Variants in HTR2A observed in about 807,000 individuals in gnomAD.
HTR2A encodes the protein 5-hydroxytryptamine receptor 2A, also known as 5-HT2 receptor.
A neutral mutation model predicts 31.0 loss-of-function variants in HTR2A; 14 were observed. That is an observed-to-expected ratio of 0.45 (90% CI 0.30 to 0.71). The LOEUF (loss-of-function observed/expected upper bound fraction) is 0.71. HTR2A is among the 30% of genes least tolerant of loss of function. The pLI is 0.09. For synonymous variants in HTR2A, 209 were observed against 225.2 expected, an observed-to-expected ratio of 0.93 and a Z score of 0.64; for missense variants, 442 against 573.3, an observed-to-expected ratio of 0.77 and a Z score of 2.34.
chr13:46,876,452 C>T (rs1320193262), intron 3 of HTR2A, among the ~76,000 whole-genome samples: 1 of 132,736 alleles, frequency 7.5e-6, no homozygotes, highest in East Asian at 2.3e-4. Flanking sequence ...CTCTGTCGCA[C>T]AGGCTGGAGT....
At chr13:46,850,208 C>A (rs140735096) in intron 3 of HTR2A, among the ~76,000 whole-genome samples, 7 of 152,292 alleles carry the variant, frequency 4.6e-5, no homozygotes, top group Non-Finnish European at 8.8e-5. Flanking sequence ...TCTTTACATG[C>A]TAACAGTGCA....
chr13:46,869,395 C>A (rs977482903), intron 3 of HTR2A, among the ~76,000 whole-genome samples: 1 of 152,128 alleles, frequency 6.6e-6, no homozygotes, highest in East Asian at 1.9e-4. Context: ...CCACTTCTCA[C>A]ATACTATGAT....
chr13:46,855,125 A>G (rs1593431716), intron 3 of HTR2A, among the ~76,000 whole-genome samples: 1 of 152,190 alleles, frequency 6.6e-6, no homozygotes, highest in Admixed American at 6.5e-5. Context: ...GAAGGAACCA[A>G]TCCTGCCAAT....
chr13:46,868,130 A>C (rs2138223286), intron 3 of HTR2A, among the ~76,000 whole-genome samples: 1 of 152,338 alleles, frequency 6.6e-6, no homozygotes, highest in East Asian at 1.9e-4. Flanking sequence ...TTTTCTTTCC[A>C]TCTTTCTGAA....
chr13:46,855,520 G>A (rs911041946), intron 3 of HTR2A, among the ~76,000 whole-genome samples: 1 of 151,986 alleles, frequency 6.6e-6, no homozygotes, highest in Non-Finnish European at 1.5e-5. Flanking sequence ...TCAACTGGGG[G>A]GGTACACAGG....
rs572370504 is a variant in HTR2A at position 46,896,655 on chromosome 13, T to A, written c.-329+19A>T. 1 of 1,500,300 alleles carries A rather than the reference T, an allele frequency of 6.7e-7. No homozygotes were observed. Among genetic ancestry groups the A allele is most frequent in the East Asian group, 2.5e-5 (1 of 40,044 alleles). 92.9% of individuals were successfully genotyped at this position (1,500,300 alleles called of 1,614,324 possible). ...AAGAAAATTACACAGCAATAAAATA[T>A]AGCGGCATGAGAACTTACATTTGTC... On this transcript the variant is annotated intron_variant, in intron 1 of 3. Coordinates refer to ENST00000542664, the MANE Select transcript of HTR2A (RefSeq NM_000621.5).
chr13:46,857,375 G>A (rs959428788), intron 3 of HTR2A, among the ~76,000 whole-genome samples: 2 of 151,788 alleles, frequency 1.3e-5, no homozygotes, highest in African/African-American at 4.8e-5. Flanking sequence ...CAGATTCAGT[G>A]TCTAATGAGG....
chr13:46,838,651 C>T (rs1211217823), intron 3 of HTR2A, among the ~76,000 whole-genome samples: 5 of 152,056 alleles, frequency 3.3e-5, no homozygotes, highest in Middle Eastern at 3.4e-3. Flanking sequence ...AGGGTGACGC[C>T]GGGTCTTAAT....
chr13:46,888,018 G>A (rs1234416494), intron 3 of HTR2A, among the ~76,000 whole-genome samples: 6 of 151,254 alleles, frequency 4.0e-5, no homozygotes, highest in African/African-American at 7.3e-5. Flanking sequence ...CATGGCACAC[G>A]TTTACCCATG....
intron 3 of HTR2A, among the ~76,000 whole-genome samples, chr13:46,876,404 A>ATATATAT (rs1325081559): frequency 5.1e-4 from 36 of 71,282 alleles, no homozygotes; most frequent in Non-Finnish European, 7.6e-4. Flanking sequence ...ATATATATAT[A>ATATATAT]TTTTTTTTTT....
intron 3 of HTR2A, among the ~76,000 whole-genome samples, chr13:46,874,954 G>A (rs1032488670): frequency 5.3e-5 from 8 of 152,140 alleles, no homozygotes; most frequent in African/African-American, 1.9e-4. Flanking sequence ...ATTCCAGACA[G>A]GATTGAACAT....
chr13:46,895,971 CA>C lies in HTR2A; in HGVS notation c.-66del. On this transcript the variant is annotated 5_prime_UTR_variant, in exon 2 of 4. An upstream start codon of the reference 5' UTR is lost. Coordinates refer to ENST00000542664, the MANE Select transcript of HTR2A (RefSeq NM_000621.5). The surrounding 1 kb of genome is among the most constrained non-coding windows in gnomAD (Gnocchi z 4.4). ...CTAACAGGTTATAGTTTCTGCTCAC[CA>C]TTCACCTTGATGTACCCACACTCTG... 1 of 1,535,798 alleles carries C rather than the reference CA, an allele frequency of 6.5e-7. No homozygotes were observed. Among genetic ancestry groups the C allele is most frequent in the Non-Finnish European group, 8.7e-7 (1 of 1,145,716 alleles).
intron 3 of HTR2A, among the ~76,000 whole-genome samples, chr13:46,880,605 G>A (rs979388471): frequency 2.0e-5 from 3 of 152,226 alleles, no homozygotes; most frequent in African/African-American, 4.8e-5. Flanking sequence ...TTGGGAGGCC[G>A]AGGCAGGCGG....
At chr13:46,864,041 G>C (rs879690849) in intron 3 of HTR2A, among the ~76,000 whole-genome samples, 2 of 152,098 alleles carry the variant, frequency 1.3e-5, no homozygotes, top group Admixed American at 1.3e-4. Context: ...TGATAGACTG[G>C]ATAAAGAAAA....
At chr13:46,854,675 G>A (rs1334498370) in intron 3 of HTR2A, among the ~76,000 whole-genome samples, 1 of 152,088 alleles carries the variant, frequency 6.6e-6, no homozygotes, top group Non-Finnish European at 1.5e-5. Flanking sequence ...GATCTTACAC[G>A]ACCAATAACA....
intron 3 of HTR2A, among the ~76,000 whole-genome samples, chr13:46,882,879 G>C (rs938410328): frequency 1.3e-5 from 2 of 152,082 alleles, no homozygotes; most frequent in African/African-American, 4.8e-5. Context: ...GAATCCAAGA[G>C]AGATCCACCA....
At chr13:46,862,485 G>A (rs1346383352) in intron 3 of HTR2A, among the ~76,000 whole-genome samples, 8 of 152,144 alleles carry the variant, frequency 5.3e-5, no homozygotes, top group Non-Finnish European at 7.4e-5. Flanking sequence ...AGTTAGCCAG[G>A]GGGAAATGTA....
intron 3 of HTR2A, among the ~76,000 whole-genome samples, chr13:46,886,466 C>G (rs1951007015): frequency 6.6e-6 from 1 of 150,700 alleles, no homozygotes; most frequent in Admixed American, 6.7e-5. Flanking sequence ...CAAAGACTAA[C>G]AGATTTTGTT....
chr13:46,846,980 C>A (rs1386749197), intron 3 of HTR2A, among the ~76,000 whole-genome samples: 1 of 152,220 alleles, frequency 6.6e-6, no homozygotes, highest in Non-Finnish European at 1.5e-5. Context: ...ATGGGGGTGG[C>A]TGACTCCTCC....
Sources: gnomAD v4.1 joint callset for allele counts (sites outside exome capture counted in the v4.1 genomes callset) on GRCh38, gnomAD v4.1.1 for gene constraint, Gnocchi (gnomAD v3.1) non-coding constraint, MANE v1.5 for transcripts, NCBI Gene and HGNC (gene_info 2026-07-23, HGNC 2026-07-21) for gene names.